TAFA2: variants seen among roughly 807,000 people sequenced by gnomAD.
TAFA2 encodes the protein TAFA chemokine like family member 2.
Under a neutral mutation model 18.8 loss-of-function variants are expected in TAFA2, and 7 were observed. That is an observed-to-expected ratio of 0.37 (90% CI 0.21 to 0.70). The LOEUF is 0.70. TAFA2 is among the 30% of genes least tolerant of loss of function. The pLI, the probability that TAFA2 is intolerant of heterozygous loss-of-function variation, is 0.53. For synonymous variants in TAFA2, 60 were observed against 54.2 expected, an observed-to-expected ratio of 1.11 and a Z score of -0.47; for missense variants, 122 against 158.1, an observed-to-expected ratio of 0.77 and a Z score of 1.23.
At chr12:62,181,995 C>CCA (rs1555196477) in intron 1 of TAFA2, among the ~76,000 whole-genome samples, 8 of 149,356 alleles carry the variant, frequency 5.4e-5, no homozygotes, top group Non-Finnish European at 1.0e-4. Flanking sequence ...GTCCATCCCC[C>CCA]CCCCGCTACA....
intron 1 of TAFA2, among the ~76,000 whole-genome samples, chr12:62,007,532 T>G (rs1880595880): frequency 6.6e-6 from 1 of 152,196 alleles, no homozygotes; most frequent in Admixed American, 6.5e-5. Flanking sequence ...AATGAACTTA[T>G]CAGGAACACT....
chr12:61,875,642 A>T (rs1874810368), intron 1 of TAFA2, among the ~76,000 whole-genome samples: 2 of 152,146 alleles, frequency 1.3e-5, no homozygotes, highest in Admixed American at 6.5e-5. Context: ...CCAAATCATG[A>T]TGATGTTTGT....
chr12:62,123,809 C>CAT (rs1870329273), intron 1 of TAFA2, among the ~76,000 whole-genome samples: 1 of 151,050 alleles, frequency 6.6e-6, no homozygotes, highest in Non-Finnish European at 1.5e-5. Flanking sequence ...CACACACACA[C>CAT]ACACCACCTT....
intron 2 of TAFA2, among the ~76,000 whole-genome samples, chr12:61,803,322 A>C (rs1871471683): frequency 6.6e-6 from 1 of 151,942 alleles, no homozygotes; most frequent in Non-Finnish European, 1.5e-5. Flanking sequence ...AATAGAATAG[A>C]AAATGTAAAA....
chr12:62,066,944 T>G (rs1176560462), intron 1 of TAFA2, among the ~76,000 whole-genome samples: 1 of 152,062 alleles, frequency 6.6e-6, no homozygotes, highest in Admixed American at 6.6e-5. Context: ...GTGTAGAGGG[T>G]TCCCTTTTCT....
intron 1 of TAFA2, among the ~76,000 whole-genome samples, chr12:61,953,956 T>G (rs188383363): frequency 6.6e-6 from 1 of 152,268 alleles, no homozygotes; most frequent in Non-Finnish European, 1.5e-5. Flanking sequence ...TTTTTCATGT[T>G]TGCATTTGTT....
chr12:62,037,920 A>T (rs560161387), intron 1 of TAFA2, among the ~76,000 whole-genome samples: 1 of 152,224 alleles, frequency 6.6e-6, no homozygotes, highest in Non-Finnish European at 1.5e-5. Flanking sequence ...TATAGCAGAC[A>T]CTCAATAAAT....
rs949774314 is a variant in TAFA2 at position 61,808,714 on chromosome 12, A to C, written c.107-53690T>G. Among the ~76,000 whole-genome samples the C allele has an allele frequency of 2.0e-5, 3 of 151,442 alleles. 1 individual carries two copies. Among genetic ancestry groups the C allele is most frequent in the African/African-American group, 7.4e-5 (3 of 40,726 alleles). On this transcript the variant is annotated intron_variant, in intron 2 of 4. Transcript: ENST00000416284. ...GTAACATTGAAGGACTTGGTCTGAA[A>C]GTAGTAATGCAAGATGGGTTACAGA... is the stretch of plus-strand genomic sequence containing the variant.
At chr12:62,080,412 G>A (rs1868301340) in intron 1 of TAFA2, among the ~76,000 whole-genome samples, 1 of 151,942 alleles carries the variant, frequency 6.6e-6, no homozygotes, top group South Asian at 2.1e-4. Flanking sequence ...AAAATCTTGG[G>A]GGTTGTCTTA....
intron 1 of TAFA2, among the ~76,000 whole-genome samples, chr12:62,015,226 T>C (rs1394500077): frequency 6.6e-6 from 1 of 152,218 alleles, no homozygotes; most frequent in Non-Finnish European, 1.5e-5. Context: ...TTTTATAGCT[T>C]GGGTTCTTCA....
At chr12:62,242,737 T>C (rs963825058) in intron 1 of TAFA2, among the ~76,000 whole-genome samples, 1 of 152,198 alleles carries the variant, frequency 6.6e-6, no homozygotes, top group Non-Finnish European at 1.5e-5. Context: ...GAGATAAATA[T>C]CTGATTAAGT....
intron 1 of TAFA2, among the ~76,000 whole-genome samples, chr12:61,904,122 A>C (rs971496527): frequency 6.6e-6 from 1 of 152,126 alleles, no homozygotes; most frequent in Non-Finnish European, 1.5e-5. Context: ...TACATTATTA[A>C]TCTGATAAAC....
chr12:61,978,552 G>A (rs968930258), intron 1 of TAFA2, among the ~76,000 whole-genome samples: 13 of 151,828 alleles, frequency 8.6e-5, no homozygotes, highest in African/African-American at 2.9e-4. Context: ...GAACAGCCCC[G>A]AAGTCTCTAC....
intron 1 of TAFA2, among the ~76,000 whole-genome samples, chr12:62,048,596 G>T (rs934735915): frequency 6.6e-6 from 1 of 152,040 alleles, no homozygotes; most frequent in Non-Finnish European, 1.5e-5. Context: ...ATCTTCATTT[G>T]TCACCATTTA....
intron 1 of TAFA2, among the ~76,000 whole-genome samples, chr12:61,894,934 C>T (rs761710084): frequency 2.0e-5 from 3 of 152,164 alleles, no homozygotes; most frequent in Non-Finnish European, 4.4e-5. Flanking sequence ...ACTGTCCAGG[C>T]TAAACAGGCC....
chr12:61,841,265 T>C (rs866081044), intron 2 of TAFA2, among the ~76,000 whole-genome samples: 1 of 152,170 alleles, frequency 6.6e-6, no homozygotes, highest in South Asian at 2.1e-4. Flanking sequence ...TGAATAACAG[T>C]GAAAATGGGA....
chr12:62,088,580 G>A (rs997577731), intron 1 of TAFA2, among the ~76,000 whole-genome samples: 25 of 126,600 alleles, frequency 2.0e-4, no homozygotes, highest in African/African-American at 6.5e-4. Context: ...GAAGACTCTC[G>A]GGGAAACAGC....
intron 1 of TAFA2, among the ~76,000 whole-genome samples, chr12:62,036,233 T>A (rs1881608433): frequency 6.6e-6 from 1 of 152,174 alleles, no homozygotes. Flanking sequence ...CTATACAGCC[T>A]TATAGGTGAT....
At chr12:61,784,861 T>C (rs1870661632) in intron 2 of TAFA2, among the ~76,000 whole-genome samples, 1 of 151,536 alleles carries the variant, frequency 6.6e-6, no homozygotes, top group East Asian at 1.9e-4. Flanking sequence ...TATATATTTA[T>C]GGAACACATA....
Sources: allele counts gnomAD v4.1 joint callset (sites outside exome capture counted in the v4.1 genomes callset), GRCh38; gene constraint gnomAD v4.1.1; transcripts MANE v1.5; gene names NCBI Gene and HGNC (gene_info 2026-07-23, HGNC 2026-07-21).